DPP10: variants seen among roughly 807,000 people sequenced by gnomAD.
DPP10 encodes inactive dipeptidyl peptidase 10.
A neutral mutation model predicts 120.9 loss-of-function variants in DPP10; 33 were observed. The observed-to-expected ratio is 0.27, with a 90% CI of 0.21 to 0.37. The LOEUF is 0.37. Ranked by LOEUF, DPP10 falls within the 10% of genes least tolerant of loss-of-function variation. The pLI, the probability that DPP10 is intolerant of heterozygous loss-of-function variation, is 1.00. For missense variants in DPP10, 816 were observed against 942.8 expected, an observed-to-expected ratio of 0.87 and a Z score of 1.76; for synonymous variants, 337 against 326.1, an observed-to-expected ratio of 1.03 and a Z score of -0.36.
intron 1 of DPP10, among the ~76,000 whole-genome samples, chr2:114,744,681 T>G (rs1678399687): frequency 6.6e-6 from 1 of 152,312 alleles, no homozygotes; most frequent in Non-Finnish European, 1.5e-5. Flanking sequence ...GGTTGATGCC[T>G]GTGTTTGTAC....
At chr2:114,999,881 A>G (rs957235705) in intron 1 of DPP10, among the ~76,000 whole-genome samples, 1 of 152,310 alleles carries the variant, frequency 6.6e-6, no homozygotes, top group African/African-American at 2.4e-5. Context: ...GTGCCAGAAA[A>G]AAAGAATCAT....
In DPP10 at chr2:115,836,665, C is replaced by T. The variant is rs748572266; in HGVS notation, c.2110-9C>T. The stretch of plus-strand genomic sequence containing the variant: ...CTATAGATACAGATATTTGTATTTT[C>T]CTTTATAGGCAGCCAGTGTGCTACA... On this transcript the variant is annotated splice_polypyrimidine_tract_variant and intron_variant, in intron 23 of 25. Coordinates refer to ENST00000410059, the MANE Select transcript of DPP10 (RefSeq NM_020868.6). 4 of 1,611,474 alleles carry T rather than the reference C, an allele frequency of 2.5e-6. No homozygotes were observed. The East Asian group carries it at 8.9e-5, about 36-fold the overall frequency.
At chr2:114,990,995 A>G (rs1270372113) in intron 1 of DPP10, among the ~76,000 whole-genome samples, 1 of 152,186 alleles carries the variant, frequency 6.6e-6, no homozygotes, top group Admixed American at 6.5e-5. Flanking sequence ...TGTGCTACAA[A>G]ATAAGGTTTT....
intron 1 of DPP10, among the ~76,000 whole-genome samples, chr2:114,893,112 G>A (rs1692677316): frequency 6.6e-6 from 1 of 152,060 alleles, no homozygotes; most frequent in Non-Finnish European, 1.5e-5. Flanking sequence ...TTCCATAAAT[G>A]TCTCAAGACT....
intron 2 of DPP10, among the ~76,000 whole-genome samples, chr2:115,325,002 G>T (rs1207446160): frequency 6.6e-6 from 1 of 152,026 alleles, no homozygotes; most frequent in East Asian, 1.9e-4. Flanking sequence ...TGTGGTCATG[G>T]TTCATGGCTC....
At position 115,605,981 on chromosome 2, in the gene DPP10, T is replaced by C. The variant is rs2083681228; in HGVS notation, c.441+80009T>C. On this transcript the variant is annotated intron_variant, in intron 5 of 25. Coordinates refer to ENST00000410059, the MANE Select transcript of DPP10 (RefSeq NM_020868.6). Reference sequence around the variant, plus strand: ...TGATATTTTATGTATCACTAGATGATATTGTGTCTTTCAAATTCCTAATGT... The same window carrying C: ...TGATATTTTATGTATCACTAGATGACATTGTGTCTTTCAAATTCCTAATGT... 2.0e-5 allele frequency among the ~76,000 whole-genome samples: 3 copies of C among 152,164 alleles called. No homozygotes were observed. The South Asian group carries it at 6.2e-4, about 31-fold the overall frequency.
At chr2:115,570,152 C>T (rs2081256426) in intron 5 of DPP10, among the ~76,000 whole-genome samples, 1 of 152,160 alleles carries the variant, frequency 6.6e-6, no homozygotes, top group Non-Finnish European at 1.5e-5. Context: ...AACCGGGAAA[C>T]TCTTGTCTCT....
At chr2:114,481,899 G>C (rs1329790932) in intron 1 of DPP10, among the ~76,000 whole-genome samples, 1 of 151,120 alleles carries the variant, frequency 6.6e-6, no homozygotes, top group East Asian at 1.9e-4. Context: ...AAGGAGAAGA[G>C]AGGAGAAGGG....
chr2:115,355,260 G>T (rs143147530), intron 3 of DPP10, among the ~76,000 whole-genome samples: 1 of 152,256 alleles, frequency 6.6e-6, no homozygotes, highest in East Asian at 1.9e-4. Context: ...ATTCTGACTG[G>T]CATGGGATGG....
intron 1 of DPP10, among the ~76,000 whole-genome samples, chr2:114,728,490 G>A (rs1245743699): frequency 2.0e-5 from 3 of 152,160 alleles, no homozygotes; most frequent in Admixed American, 1.3e-4. Flanking sequence ...TAGGTGACAG[G>A]AGTAGGTACA....
intron 1 of DPP10, among the ~76,000 whole-genome samples, chr2:114,730,598 G>C (rs1676800880): frequency 6.6e-6 from 1 of 152,038 alleles, no homozygotes; most frequent in Admixed American, 6.6e-5. Context: ...TTCGTTGTTT[G>C]TTTGTTTGTT....
intron 17 of DPP10, among the ~76,000 whole-genome samples, chr2:115,787,032 C>A (rs934027784): frequency 2.6e-5 from 4 of 152,122 alleles, no homozygotes; most frequent in African/African-American, 7.2e-5. Context: ...AAGTGTCCTG[C>A]CTTTTGTAGT....
intron 1 of DPP10, among the ~76,000 whole-genome samples, chr2:115,241,824 T>C (rs567784114): frequency 6.6e-6 from 1 of 152,296 alleles, no homozygotes; most frequent in Non-Finnish European, 1.5e-5. Flanking sequence ...CTTCTATACC[T>C]CAGAAATGTA....
At chr2:114,859,875 G>A (rs1044629013) in intron 1 of DPP10, among the ~76,000 whole-genome samples, 1 of 152,086 alleles carries the variant, frequency 6.6e-6, no homozygotes, top group Admixed American at 6.5e-5. Context: ...GCTAGACCAG[G>A]GCTTCTGAAG....
At chr2:114,930,171 C>T (rs547919259) in intron 1 of DPP10, among the ~76,000 whole-genome samples, 14 of 152,320 alleles carry the variant, frequency 9.2e-5, no homozygotes, top group African/African-American at 3.4e-4. Context: ...TAGCACCTGA[C>T]TCCCTTTAGT....
chr2:115,220,245 C>A (rs1177420769), intron 1 of DPP10, among the ~76,000 whole-genome samples: 1 of 152,150 alleles, frequency 6.6e-6, no homozygotes, highest in African/African-American at 2.4e-5. Flanking sequence ...TTTATACACT[C>A]ATTGTTGGTA....
chr2:114,489,813 A>G (rs1228577281), intron 1 of DPP10, among the ~76,000 whole-genome samples: 2 of 152,206 alleles, frequency 1.3e-5, no homozygotes, highest in Non-Finnish European at 2.9e-5. Flanking sequence ...GCACTTAAGA[A>G]AGCATATAAA....
In DPP10 at chr2:114,780,948, G is replaced by T. The variant is rs529633867; in HGVS notation, c.60+338110G>T. 5.9e-5 allele frequency among the ~76,000 whole-genome samples: 9 copies of T among 152,162 alleles called. No individual in the cohort carries two copies. In the South Asian group the frequency reaches 1.7e-3, roughly 28 times the overall value. On this transcript the variant is annotated intron_variant, in intron 1 of 25. Transcript: ENST00000410059. The stretch of plus-strand genomic sequence containing the variant: ...AGTTACTGTGAATAGAATGGTGAAT[G>T]AGACATTTAATTTGCATGTACTTGT...
intron 3 of DPP10, among the ~76,000 whole-genome samples, chr2:115,364,367 A>G (rs7575931): frequency 0.057 from 8,683 of 152,070 alleles, 347 homozygotes; most frequent in Middle Eastern, 0.099. Context: ...TCGTGCCAGC[A>G]TATTACCTCA....
Sources: allele counts gnomAD v4.1 joint callset (sites outside exome capture counted in the v4.1 genomes callset), GRCh38; gene constraint gnomAD v4.1.1; transcripts MANE v1.5; gene names NCBI Gene and HGNC (gene_info 2026-07-23, HGNC 2026-07-21).